The following TRAK2 variants were observed in gnomAD, a reference collection of about 807,000 sequenced individuals.
The protein encoded by TRAK2 is trafficking kinesin protein 2.
In TRAK2, 81 loss-of-function variants were observed where a neutral mutation model predicts 104.6. That is an observed-to-expected ratio of 0.77 (90% CI 0.65 to 0.93). TRAK2 has a LOEUF of 0.93. Ranked by LOEUF, TRAK2 falls within the 40% of genes least tolerant of loss-of-function variation. The pLI is 0.00. For synonymous variants in TRAK2, 406 were observed against 394.4 expected (o/e 1.03, Z -0.35); for missense variants, 1,002 against 1,089.0 (o/e 0.92, Z 1.12).
intron 4 of TRAK2, 62 bp downstream of exon 4, chr2:201,400,956 T>A: frequency 7.4e-7 from 1 of 1,347,298 alleles, no homozygotes; most frequent in Non-Finnish European, 1.1e-6. Context: ...GCAAATTTGA[T>A]AGATTCCAAA....
Position 201,386,430 on chromosome 2 carries a change from A to C in TRAK2, c.1751T>G (p.Ile584Ser), listed in dbSNP as rs199712167. 3.2e-4 allele frequency: 524 copies of C among 1,614,088 alleles called. No homozygotes were observed. Among genetic ancestry groups the C allele is most frequent in the Non-Finnish European group, 3.4e-4 (407 of 1,180,034 alleles). The change falls in exon 14 of 16, where the codon ATC becomes AGC. Residue 584 changes from isoleucine to serine, a missense_variant. Coordinates refer to ENST00000332624, the MANE Select transcript of TRAK2 (RefSeq NM_015049.3). Reference protein sequence around the residue: ...QQLAQPNLGTILDPRPGVITK... With the variant: ...QQLAQPNLGTSLDPRPGVITK... ...AATGACACCTGGTCGTGGATCAAGG[A>C]TGGTTCCCAAGTTTGGTTGAGCAAG...
chr2:201,408,260 T>C (rs1951613797), intron 2 of TRAK2, among the ~76,000 whole-genome samples: 2 of 152,224 alleles, frequency 1.3e-5, no homozygotes, highest in Non-Finnish European at 2.9e-5. Flanking sequence ...CTGAATTACA[T>C]ACTATCTAAA....
intron 7 of TRAK2, among the ~76,000 whole-genome samples, chr2:201,397,032 A>T (rs1269638787): frequency 6.6e-6 from 1 of 152,178 alleles, no homozygotes; most frequent in Non-Finnish European, 1.5e-5. Context: ...TTTCCAACTG[A>T]CTTGTTTTAA....
At chr2:201,381,704 A>C (rs1951346959) in intron 15 of TRAK2, among the ~76,000 whole-genome samples, 1 of 152,218 alleles carries the variant, frequency 6.6e-6, no homozygotes, top group South Asian at 2.1e-4. Context: ...TTCACAATTA[A>C]ACATGAAAAC....
intron 8 of TRAK2, chr2:201,395,113 T>C: frequency 1.6e-6 from 1 of 627,546 alleles, no homozygotes; most frequent in Middle Eastern, 4.3e-4. Context: ...AACCCCATTT[T>C]ACAAAGAGAA....
intron 1 of TRAK2, among the ~76,000 whole-genome samples, chr2:201,434,246 T>C (rs2125660166): frequency 6.6e-6 from 1 of 152,204 alleles, no homozygotes; most frequent in South Asian, 2.1e-4. Context: ...CGTGAGCCAC[T>C]GCGCCCGGCC....
chr2:201,415,595 C>T (rs547595445), intron 2 of TRAK2, among the ~76,000 whole-genome samples: 1 of 152,050 alleles, frequency 6.6e-6, no homozygotes, highest in South Asian at 2.1e-4. Flanking sequence ...GAAAGACTCA[C>T]TAGATAAGAT....
chr2:201,380,716 A>T lies in TRAK2; in HGVS notation c.2572T>A (p.Cys858Ser), dbSNP rs746199885. Reference protein sequence around the residue: ...KNPGAQENGRCQEAEIGPQKP... With the variant: ...KNPGAQENGRSQEAEIGPQKP... ...TGAGGACCAATTTCTGCCTCCTGGC[A>T]TCTTCCATTCTCTTGGGCACCAGGG... The change falls in exon 16 of 16, where the codon TGC (cysteine) becomes AGC (serine). Residue 858 changes from cysteine (C) to serine (S), a missense_variant. Physicochemically the swap from Cys to Ser is moderately radical, Grantham distance 112. Transcript: ENST00000332624. 4 of 1,613,968 alleles carry T rather than the reference A, an allele frequency of 2.5e-6. No individual in the cohort carries two copies. Among genetic ancestry groups the T allele is most frequent in the Non-Finnish European group, 3.4e-6 (4 of 1,180,000 alleles).
intron 2 of TRAK2, chr2:201,410,681 G>C: frequency 7.6e-7 from 1 of 1,311,468 alleles, no homozygotes. Context: ...ATGTTCATCT[G>C]TGTTCCCATT....
rs192366970 is a variant in TRAK2 at position 201,443,290 on chromosome 2, C to T, written c.-200+8060G>A. 2.8e-3 allele frequency among the ~76,000 whole-genome samples: 426 copies of T among 152,286 alleles called. 4 individuals carry two copies. The highest frequency in any genetic ancestry group is 5.0e-3 in the Non-Finnish European group (342 of 68,020). On this transcript the variant is annotated intron_variant, in intron 1 of 15. Transcript: ENST00000332624. ...CTGCTAATCAATCCAATCATGACTT[C>T]TTAATTGTTATCTGATGTCATCTCT...
intron 8 of TRAK2, 178 bp downstream of exon 8, chr2:201,395,136 A>G (rs749719989): frequency 3.1e-5 from 20 of 636,190 alleles, no homozygotes; most frequent in Non-Finnish European, 5.0e-5. Flanking sequence ...AATGACTTGA[A>G]AGTATTTATT....
chr2:201,395,714 C>T (rs1230972360), intron 7 of TRAK2, among the ~76,000 whole-genome samples: 2 of 152,060 alleles, frequency 1.3e-5, no homozygotes, highest in African/African-American at 4.8e-5. Flanking sequence ...TTGCTTCAAT[C>T]GTTTTCTTTA....
chr2:201,397,879 AACT>A (rs1951516113), intron 6 of TRAK2: 4 of 556,118 alleles, frequency 7.2e-6, no homozygotes, highest in Non-Finnish European at 3.2e-6. Flanking sequence ...TCACAGTTGT[AACT>A]ACTTAGTTAC....
chr2:201,449,725 C>T (rs1184271704), intron 1 of TRAK2, among the ~76,000 whole-genome samples: 1 of 151,652 alleles, frequency 6.6e-6, no homozygotes, highest in Non-Finnish European at 1.5e-5. Context: ...TGGCTCACTG[C>T]AACCTCTGCC....
intron 7 of TRAK2, among the ~76,000 whole-genome samples, 183 bp downstream of exon 7, chr2:201,397,319 A>G (rs1487861646): frequency 1.3e-5 from 2 of 152,184 alleles, no homozygotes; most frequent in Non-Finnish European, 2.9e-5. Flanking sequence ...ATATTTCTTA[A>G]AAATACATAT....
Position 201,379,733 on chromosome 2 carries a change from T to C in TRAK2, c.*810A>G, listed in dbSNP as rs2125637987. 6.6e-6 allele frequency: 1 copy of C among 152,640 alleles called. No homozygotes were observed. Among genetic ancestry groups the C allele is most frequent in the Admixed American group, 6.5e-5 (1 of 15,282 alleles). The allele number at this position is 152,640 out of a possible 1,614,324, so 9.5% of individuals were successfully genotyped here. Reference sequence around the variant, plus strand: ...CTACTGTACTTATTCAGACGAAATATTCTAAAAACAAGTTTTCTTGGTTTC... The same window carrying C: ...CTACTGTACTTATTCAGACGAAATACTCTAAAAACAAGTTTTCTTGGTTTC... On this transcript the variant is annotated 3_prime_UTR_variant, in exon 16 of 16. Coordinates refer to ENST00000332624, the MANE Select transcript of TRAK2 (RefSeq NM_015049.3).
chr2:201,399,626 A>G (rs937102135), intron 4 of TRAK2, 133 bp from the exon 5 acceptor site: 4 of 640,800 alleles, frequency 6.2e-6, no homozygotes, highest in African/African-American at 5.4e-5. Flanking sequence ...CATTCATTAA[A>G]ATGAATAAAC....
At chr2:201,387,375 T>A (rs555494145) in intron 13 of TRAK2, among the ~76,000 whole-genome samples, 47 of 152,342 alleles carry the variant, frequency 3.1e-4, no homozygotes, top group Non-Finnish European at 5.3e-4. Flanking sequence ...CATTATCATT[T>A]ATCATATCTT....
Position 201,380,476 on chromosome 2 carries a change from A to G in TRAK2, c.*67T>C. 6.8e-7 allele frequency: 1 copy of G among 1,473,470 alleles called. No homozygotes were observed. The highest frequency in any genetic ancestry group is 9.3e-7 in the Non-Finnish European group (1 of 1,074,094). 91.3% of individuals were successfully genotyped at this position (1,473,470 alleles called of 1,614,324 possible). A position where few individuals can be genotyped will look rare whatever the true frequency, so the allele number is the denominator to read the frequency against. On this transcript the variant is annotated 3_prime_UTR_variant, in exon 16 of 16. Coordinates refer to ENST00000332624, the MANE Select transcript of TRAK2 (RefSeq NM_015049.3). ...CTTTTCTCTCAAGTCAGACCAGACC[A>G]CATGTTTCAGTGCATATCTATCCTT...
Sources: allele counts gnomAD v4.1 joint callset (sites outside exome capture counted in the v4.1 genomes callset), GRCh38; gene constraint gnomAD v4.1.1; transcripts MANE v1.5; gene names NCBI Gene and HGNC (gene_info 2026-07-23, HGNC 2026-07-21).